Variants in MUC22 observed in about 807,000 individuals in gnomAD.
MUC22 encodes mucin 22.
A neutral mutation model predicts 40.3 loss-of-function variants in MUC22; 24 were observed. The observed-to-expected ratio is 0.60, with a 90% CI of 0.43 to 0.84. The LOEUF (loss-of-function observed/expected upper bound fraction) is 0.84. MUC22 is among the 40% of genes least tolerant of loss of function. The probability of loss-of-function intolerance (pLI) is 0.00; values close to 1 mark genes in which losing one functional copy is unlikely to be tolerated. For synonymous variants in MUC22, 765 were observed against 844.5 expected, an observed-to-expected ratio of 0.91 and a Z score of 1.63; for missense variants, 1,926 against 2,130.7, an observed-to-expected ratio of 0.90 and a Z score of 1.89.
chr6:31,022,386 ACTC>A (rs1764900730), intron 1 of MUC22, among the ~76,000 whole-genome samples: 1 of 151,924 alleles, frequency 6.6e-6, no homozygotes, highest in South Asian at 2.1e-4. Flanking sequence ...CTGGTATCGA[ACTC>A]CTGGTGATCT....
Position 31,011,953 on chromosome 6 carries a change from C to T in MUC22, c.70+1177C>T, listed in dbSNP as rs978459872. On this transcript the variant is annotated intron_variant, in intron 1 of 3. Transcript: ENST00000561890. The surrounding 1 kb of genome is among the most constrained non-coding windows in gnomAD (Gnocchi z 4.5). ...TCCCTGGTAGAAACAAACCGGAGTTCGGCCACTGAGGGGTTGGCTCTGACA... is the reference window on the plus strand; with the variant it reads ...TCCCTGGTAGAAACAAACCGGAGTTTGGCCACTGAGGGGTTGGCTCTGACA... Among the ~76,000 whole-genome samples the T allele has an allele frequency of 2.0e-5, 3 of 152,162 alleles. No individual in the cohort carries two copies. Among genetic ancestry groups the T allele is most frequent in the African/African-American group, 4.8e-5 (2 of 41,424 alleles).
At position 31,032,938 on chromosome 6, in the gene MUC22, G is replaced by A. The variant is rs1766176120; in HGVS notation, c.5055+357G>A. On this transcript the variant is annotated intron_variant, in intron 3 of 3. Coordinates refer to ENST00000561890, the Ensembl canonical transcript of MUC22. This position sits in a 1 kb window ranked among gnomAD's most constrained non-coding sequence, Gnocchi z 4.1. ...TCCAGCACTTTGGAAGGCCAAGGAG[G>A]GCGGATCACTTGAGTCCAGGCATTT... Among the ~76,000 whole-genome samples the A allele has an allele frequency of 6.6e-6, 1 of 152,140 alleles. No individual in the cohort carries two copies. Among genetic ancestry groups the A allele is most frequent in the Admixed American group, 6.5e-5 (1 of 15,270 alleles).
At chr6:31,027,205 G>C (rs1317434345) in exon 2 of MUC22, 4 of 1,502,988 alleles carry the variant, frequency 2.7e-6, no homozygotes, top group Non-Finnish European at 3.6e-6. Context: ...CTCTACCGTA[G>C]GCTCTGAGAC....
intron 1 of MUC22, among the ~76,000 whole-genome samples, chr6:31,016,273 G>C (rs1764194880): frequency 6.6e-6 from 1 of 152,104 alleles, no homozygotes; most frequent in Non-Finnish European, 1.5e-5. Context: ...TTTCAAGCTA[G>C]AGATTTTTCT....
At position 31,017,034 on chromosome 6, in the gene MUC22, G is replaced by A. The variant is rs1411161413; in HGVS notation, c.70+6258G>A. On this transcript the variant is annotated intron_variant, in intron 1 of 3. Coordinates refer to ENST00000561890, the Ensembl canonical transcript of MUC22. ...CTCGCCGGACCTCAGCTGCCTCCCT[G>A]AGGGGCACGGCTTGGGACCTGCAGC... Among the ~76,000 whole-genome samples the A allele has an allele frequency of 2.6e-5, 4 of 152,336 alleles. No individual in the cohort carries two copies. In the East Asian group the frequency reaches 7.7e-4, roughly 29 times the overall value.
chr6:31,018,707 T>G (rs12529858), intron 1 of MUC22, among the ~76,000 whole-genome samples: 9,244 of 152,394 alleles, frequency 0.061, 349 homozygotes, highest in South Asian at 0.12. Context: ...CTAAACTCAC[T>G]TCCATATTGT....
exon 4 of MUC22, chr6:31,034,969 C>T: frequency 2.6e-6 from 4 of 1,522,662 alleles, no homozygotes; most frequent in Non-Finnish European, 3.5e-6. Flanking sequence ...CAGAGGGAGC[C>T]ACCAAGGAGG....
intron 1 of MUC22, among the ~76,000 whole-genome samples, chr6:31,022,038 A>G (rs1442344563): frequency 6.6e-6 from 1 of 152,032 alleles, no homozygotes; most frequent in Non-Finnish European, 1.5e-5. Context: ...TGGGCTTAAG[A>G]GTTGCTAACA....
At chr6:31,030,184 T>G (rs1765947993) in intron 2 of MUC22, 84 bp downstream of exon 2, 2 of 1,384,820 alleles carry the variant, frequency 1.4e-6, no homozygotes, top group Admixed American at 2.6e-5. Context: ...CTATCATCTC[T>G]GCCCTGGTTC....
In MUC22 at chr6:31,026,153, C is replaced by G. The variant is rs1157119009; in HGVS notation, c.722C>G (p.Ser241Ter). 6.6e-7 allele frequency: 1 copy of G among 1,524,932 alleles called. No individual in the cohort carries two copies. The allele number at this position is 1,524,932 out of a possible 1,614,324, so 94.5% of individuals were successfully genotyped here. ...GCAGGCTCTGAGGCCACCACAACCTCAACTGCAGACTCCAAGGTGATCACG... is the reference window on the plus strand; with the variant it reads ...GCAGGCTCTGAGGCCACCACAACCTGAACTGCAGACTCCAAGGTGATCACG... The change falls in exon 2 of 4, where the codon TCA (serine) becomes TGA (stop). Residue 241 changes from serine to a stop codon, truncating the protein, a stop_gained. Transcript: ENST00000561890. LOFTEE classifies it high-confidence loss of function.
rs1406592657 is a variant in MUC22, at chr6:31,025,545, C to T, written c.114C>T (p.Thr38=). Reference sequence around the variant, plus strand: ...CCTTCACAAAAGGCTCCGACACCACCACAGCCTCCATCACAGGCTCTGAGA... The same window carrying T: ...CCTTCACAAAAGGCTCCGACACCACTACAGCCTCCATCACAGGCTCTGAGA... Residue 38 remains threonine, a synonymous_variant, in exon 2 of 4, where the codon ACC becomes ACT. Transcript: ENST00000561890. 1.2e-5 allele frequency: 19 copies of T among 1,524,866 alleles called. No homozygotes were observed. In the Admixed American group the frequency reaches 3.9e-4, roughly 31 times the overall value. 94.5% of individuals were successfully genotyped at this position (1,524,866 alleles called of 1,614,324 possible).
chr6:31,017,084 G>A (rs887181029), intron 1 of MUC22, among the ~76,000 whole-genome samples: 10 of 152,204 alleles, frequency 6.6e-5, no homozygotes, highest in Non-Finnish European at 7.4e-5. Flanking sequence ...CCTCCCCCAC[G>A]CCGCCATGGG....
At chr6:31,025,467 C>G (rs28360985) in intron 1 of MUC22, 35 bp from the exon 2 acceptor site, 8 of 1,458,102 alleles carry the variant, frequency 5.5e-6, no homozygotes, top group Non-Finnish European at 7.2e-6. Flanking sequence ...TCATCTTTAA[C>G]CCATTCCCAC....
At chr6:31,019,612 G>C (rs575633133) in intron 1 of MUC22, among the ~76,000 whole-genome samples, 1 of 152,354 alleles carries the variant, frequency 6.6e-6, no homozygotes, top group Admixed American at 6.5e-5. Context: ...CTAGCACTTT[G>C]GGAGGCTGAG....
At chr6:31,031,870 T>C (rs1295494968) in intron 2 of MUC22, among the ~76,000 whole-genome samples, 1 of 152,190 alleles carries the variant, frequency 6.6e-6, no homozygotes, top group Non-Finnish European at 1.5e-5. Context: ...GCCCACCCTC[T>C]TCTATTTGGG....
At chr6:31,016,889 C>T (rs953240863) in intron 1 of MUC22, among the ~76,000 whole-genome samples, 1 of 152,236 alleles carries the variant, frequency 6.6e-6, no homozygotes, top group Admixed American at 6.5e-5. Flanking sequence ...CACTCTGAGC[C>T]TCGGGCTGGC....
intron 1 of MUC22, among the ~76,000 whole-genome samples, chr6:31,014,216 TA>T (rs77897078): frequency 0.12 from 17,860 of 152,162 alleles, 1,220 homozygotes; most frequent in African/African-American, 0.16. Context: ...TAGATATTAA[TA>T]ATAGCCTCAT....
intron 1 of MUC22, among the ~76,000 whole-genome samples, chr6:31,023,780 T>TA (rs1315498903): frequency 2.6e-5 from 4 of 152,056 alleles, no homozygotes; most frequent in Admixed American, 2.6e-4. Context: ...AACATCAATT[T>TA]AGAAAAAAAT....
At chr6:31,025,028 C>T (rs1446667666) in intron 1 of MUC22, among the ~76,000 whole-genome samples, 1 of 147,402 alleles carries the variant, frequency 6.8e-6, no homozygotes, top group Non-Finnish European at 1.5e-5. Flanking sequence ...CGCCACCATG[C>T]CTGGCTAATT....
Sources: allele counts gnomAD v4.1 joint callset (sites outside exome capture counted in the v4.1 genomes callset), GRCh38; gene constraint gnomAD v4.1.1; non-coding constraint Gnocchi (gnomAD v3.1); transcripts MANE v1.5; gene names NCBI Gene and HGNC (gene_info 2026-07-23, HGNC 2026-07-21).